The following LHPP variants were observed in gnomAD, a reference collection of about 807,000 sequenced individuals.
LHPP encodes phospholysine phosphohistidine inorganic pyrophosphate phosphatase, also known as hLHPP.
A neutral mutation model predicts 30.3 loss-of-function variants in LHPP; 24 were observed. The observed-to-expected ratio is 0.79, with a 90% CI of 0.57 to 1.11. The LOEUF is 1.11. Among genes scored for constraint, LHPP ranks in the 50% most tolerant of loss-of-function variants. The pLI is 0.00. For synonymous variants in LHPP, 150 were observed against 157.1 expected (o/e 0.95, Z 0.34); for missense variants, 356 against 367.2 (o/e 0.97, Z 0.25).
intron 1 of LHPP, among the ~76,000 whole-genome samples, chr10:124,482,496 C>T (rs1049575640): frequency 2.0e-5 from 3 of 152,152 alleles, no homozygotes; most frequent in African/African-American, 4.8e-5. Context: ...GTCTTTTCCA[C>T]GAGTCCACAC....
Position 124,510,919 on chromosome 10 carries a change from G to A in LHPP, c.625-6261G>A, listed in dbSNP as rs988371512. ...TGCCAGCAGCCGTGGGGGCTTGCCC[G>A]GCCAGCCCTGGCTTTTCCCAACCCT... On this transcript the variant is annotated intron_variant, in intron 5 of 6. Transcript: ENST00000368842. The surrounding 1 kb of genome is among the most constrained non-coding windows in gnomAD (Gnocchi z 4.0). 7.2e-5 allele frequency among the ~76,000 whole-genome samples: 11 copies of A among 152,174 alleles called. No homozygotes were observed. Among genetic ancestry groups the A allele is most frequent in the African/African-American group, 2.2e-4 (9 of 41,440 alleles).
intron 6 of LHPP, 112 bp from the exon 7 acceptor site, chr10:124,613,152 C>G: frequency 1.2e-6 from 1 of 839,308 alleles, no homozygotes; most frequent in Admixed American, 1.7e-5. Flanking sequence ...CTGGCAGGAC[C>G]TGGAGGTTTC....
rs753984880 is a variant in LHPP, at chr10:124,498,028, T to C, written c.532-8T>C. 1 of 1,612,060 alleles carries C rather than the reference T, an allele frequency of 6.2e-7. No individual in the cohort carries two copies. Among genetic ancestry groups the C allele is most frequent in the Admixed American group, 1.7e-5 (1 of 60,026 alleles). On this transcript the variant is annotated splice_region_variant and splice_polypyrimidine_tract_variant and intron_variant, in intron 4 of 6. Transcript: ENST00000368842. Reference sequence around the variant, plus strand: ...AAACTTATGCCATGTCCCTCTCTCTTTTCCCAGTATGCCTGTGGCATCAAA... The same window carrying C: ...AAACTTATGCCATGTCCCTCTCTCTCTTCCCAGTATGCCTGTGGCATCAAA...
chr10:124,501,707 C>T lies in LHPP; in HGVS notation c.624+3579C>T, dbSNP rs570080522. On this transcript the variant is annotated intron_variant, in intron 5 of 6. Transcript: ENST00000368842. Reference sequence around the variant, plus strand: ...GCCAGTGAATTGAATACTCTGGTCACGGTCATAAATTTTATGTAATGTGTA... The same window carrying T: ...GCCAGTGAATTGAATACTCTGGTCATGGTCATAAATTTTATGTAATGTGTA... Among the ~76,000 whole-genome samples, 22 of 151,702 alleles carry T rather than the reference C, an allele frequency of 1.5e-4. No individual in the cohort carries two copies. The East Asian group carries it at 2.7e-3, about 19-fold the overall frequency.
chr10:124,570,491 T>C (rs1336593375), intron 6 of LHPP, among the ~76,000 whole-genome samples: 1 of 152,240 alleles, frequency 6.6e-6, no homozygotes, highest in Non-Finnish European at 1.5e-5. Flanking sequence ...TGCCATACAA[T>C]TCCTCTTAAA....
At chr10:124,547,131 C>A (rs560942651) in intron 6 of LHPP, among the ~76,000 whole-genome samples, 1 of 152,234 alleles carries the variant, frequency 6.6e-6, no homozygotes, top group Admixed American at 6.5e-5. Flanking sequence ...CTTCATGGTG[C>A]GTCCCAGATA....
intron 3 of LHPP, chr10:124,490,316 G>T: frequency 4.2e-6 from 1 of 237,664 alleles, no homozygotes; most frequent in Admixed American, 4.8e-5. Flanking sequence ...TAGCAGACAC[G>T]CTCTCCAGGG....
intron 6 of LHPP, among the ~76,000 whole-genome samples, chr10:124,553,419 C>T (rs115034894): frequency 0.011 from 1,588 of 148,638 alleles, 22 homozygotes; most frequent in African/African-American, 0.038. Context: ...ATCCCAACAG[C>T]GGCACCATAG....
intron 1 of LHPP, among the ~76,000 whole-genome samples, chr10:124,473,743 A>G (rs576506045): frequency 2.0e-5 from 3 of 152,334 alleles, no homozygotes; most frequent in East Asian, 1.9e-4. Flanking sequence ...ACCTGAGGTC[A>G]GGAGTTCAAG....
At chr10:124,515,638 A>C (rs1206335637) in intron 5 of LHPP, among the ~76,000 whole-genome samples, 1 of 152,226 alleles carries the variant, frequency 6.6e-6, no homozygotes, top group African/African-American at 2.4e-5. Flanking sequence ...AAATTACTTG[A>C]AAACAGTTTG....
At position 124,529,033 on chromosome 10, in the gene LHPP, T is replaced by C. The variant is rs766690705; in HGVS notation, c.716+11762T>C. ...TTGTGAATTTGGGGGATTCTTTTTT[T>C]TTTTTTTTTTTTTTTTGAGACAGAG... is the stretch of plus-strand genomic sequence containing the variant. On this transcript the variant is annotated intron_variant, in intron 6 of 6. Transcript: ENST00000368842. 1.7e-4 allele frequency among the ~76,000 whole-genome samples: 25 copies of C among 143,810 alleles called. 1 individual carries two copies. Among genetic ancestry groups the C allele is most frequent in the Non-Finnish European group, 2.9e-4 (19 of 65,680 alleles). The allele number at this position is 143,810 out of a possible 152,430, so 94.3% of individuals were successfully genotyped here. A position where few individuals can be genotyped will look rare whatever the true frequency, so the allele number is the denominator to read the frequency against.
At chr10:124,503,437 G>A (rs1263046288) in intron 5 of LHPP, among the ~76,000 whole-genome samples, 2 of 152,000 alleles carry the variant, frequency 1.3e-5, no homozygotes, top group Non-Finnish European at 2.9e-5. Flanking sequence ...CCAAAAGATC[G>A]GACACCCCTG....
intron 6 of LHPP, among the ~76,000 whole-genome samples, chr10:124,558,426 C>T (rs1281199786): frequency 1.3e-5 from 2 of 152,240 alleles, no homozygotes; most frequent in East Asian, 1.9e-4. Context: ...GCCCAAGGTC[C>T]CACCGGCAAG....
intron 2 of LHPP, among the ~76,000 whole-genome samples, chr10:124,485,776 T>C (rs112610935): frequency 0.038 from 5,808 of 152,134 alleles, 294 homozygotes; most frequent in African/African-American, 0.12. Context: ...AATTTTTGTA[T>C]TTTTAGTAGA....
At chr10:124,502,388 G>A (rs1325818208) in intron 5 of LHPP, among the ~76,000 whole-genome samples, 1 of 146,898 alleles carries the variant, frequency 6.8e-6, no homozygotes, top group East Asian at 2.0e-4. Flanking sequence ...TTTTTGAGAC[G>A]GAGTCTCGCT....
intron 6 of LHPP, among the ~76,000 whole-genome samples, chr10:124,602,125 A>T (rs2134012631): frequency 6.6e-6 from 1 of 152,270 alleles, no homozygotes; most frequent in African/African-American, 2.4e-5. Context: ...GATGCAGGCT[A>T]TGCCCCACGT....
At chr10:124,485,120 C>A (rs1953282890) in intron 2 of LHPP, among the ~76,000 whole-genome samples, 1 of 151,892 alleles carries the variant, frequency 6.6e-6, no homozygotes, top group African/African-American at 2.4e-5. Flanking sequence ...GGCGGGTGCT[C>A]CCTGGAAAGC....
rs1949229226 is a variant in LHPP at position 124,613,393 on chromosome 10, C to T, written c.*33C>T. 8.1e-7 allele frequency: 1 copy of T among 1,241,312 alleles called. No individual in the cohort carries two copies. Among genetic ancestry groups the T allele is most frequent in the Non-Finnish European group, 1.2e-6 (1 of 857,356 alleles). 76.9% of individuals were successfully genotyped at this position (1,241,312 alleles called of 1,614,324 possible). On this transcript the variant is annotated 3_prime_UTR_variant, in exon 7 of 7. Coordinates refer to ENST00000368842, the MANE Select transcript of LHPP (RefSeq NM_022126.4). The stretch of plus-strand genomic sequence containing the variant: ...CTGGGAGAGCCCCGCCTCCTCCACC[C>T]CTGCCTCTCCTCCACCCCTGCCTCC...
rs372670212 is a variant in LHPP, at chr10:124,478,006, T to C, written c.126-6133T>C. Among the ~76,000 whole-genome samples the C allele has an allele frequency of 4.6e-5, 7 of 152,044 alleles. No individual in the cohort carries two copies. Among genetic ancestry groups the C allele is most frequent in the African/African-American group, 1.7e-4 (7 of 41,392 alleles). ...AAACCAAGGCTCTGGTTGCTGAGGATGGGGCTGGTCCTGCGCCAGGGTGCC... is the reference window on the plus strand; with the variant it reads ...AAACCAAGGCTCTGGTTGCTGAGGACGGGGCTGGTCCTGCGCCAGGGTGCC... On this transcript the variant is annotated intron_variant, in intron 1 of 6. Transcript: ENST00000368842. The surrounding 1 kb of genome is among the most constrained non-coding windows in gnomAD (Gnocchi z 4.7).
Sources: allele counts gnomAD v4.1 joint callset (sites outside exome capture counted in the v4.1 genomes callset), GRCh38; gene constraint gnomAD v4.1.1; non-coding constraint Gnocchi (gnomAD v3.1); transcripts MANE v1.5; gene names NCBI Gene and HGNC (gene_info 2026-07-23, HGNC 2026-07-21).